The following ARMH3 variants were observed in gnomAD, a reference collection of about 807,000 sequenced individuals.
ARMH3 encodes armadillo-like helical domain-containing protein 3.
In ARMH3, 60 loss-of-function variants were observed where a neutral mutation model predicts 99.1. The observed-to-expected ratio is 0.61, with a 90% confidence interval of 0.49 to 0.75. The LOEUF (loss-of-function observed/expected upper bound fraction) is 0.75. ARMH3 is among the 30% of genes least tolerant of loss of function. ARMH3 has a pLI of 0.00. For missense variants in ARMH3, 679 were observed against 843.1 expected (o/e 0.81, Z 2.41); for synonymous variants, 285 against 292.8 (o/e 0.97, Z 0.27).
At chr10:101,882,128 T>G (rs1009532158) in intron 24 of ARMH3, among the ~76,000 whole-genome samples, 4 of 152,192 alleles carry the variant, frequency 2.6e-5, no homozygotes, top group South Asian at 2.1e-4. Context: ...AAGATACTGA[T>G]AGCTGAATGA....
intron 23 of ARMH3, among the ~76,000 whole-genome samples, chr10:101,911,644 T>G (rs949586830): frequency 2.6e-5 from 4 of 152,094 alleles, no homozygotes; most frequent in African/African-American, 9.7e-5. Flanking sequence ...GGCAGAAGGA[T>G]CCCTCGAGCC....
intron 24 of ARMH3, among the ~76,000 whole-genome samples, chr10:101,882,883 G>A (rs989681412): frequency 1.3e-5 from 2 of 152,082 alleles, no homozygotes; most frequent in African/African-American, 4.8e-5. Flanking sequence ...GAGGATCTTA[G>A]GAAAGATGAA....
chr10:101,883,734 A>G (rs2067471669), intron 24 of ARMH3, among the ~76,000 whole-genome samples: 1 of 152,158 alleles, frequency 6.6e-6, no homozygotes, highest in South Asian at 2.1e-4. Context: ...GCTCATGCCT[A>G]TAACCCCAGC....
At chr10:101,971,296 T>C (rs1039609102) in intron 20 of ARMH3, among the ~76,000 whole-genome samples, 4 of 151,882 alleles carry the variant, frequency 2.6e-5, no homozygotes, top group Non-Finnish European at 4.4e-5. Context: ...GAAAAAATAC[T>C]GGCCGGGCGC....
intron 22 of ARMH3, among the ~76,000 whole-genome samples, chr10:101,949,500 A>C (rs1369071618): frequency 6.6e-6 from 1 of 152,182 alleles, no homozygotes. Flanking sequence ...TTCTTCAAAG[A>C]CACAAGCTTC....
intron 24 of ARMH3, among the ~76,000 whole-genome samples, chr10:101,861,445 G>A (rs2066866221): frequency 6.6e-6 from 1 of 152,174 alleles, no homozygotes; most frequent in South Asian, 2.1e-4. Context: ...ATTAAAAGAA[G>A]TTCTTGACTG....
chr10:101,945,294 T>C (rs759108133), intron 22 of ARMH3, among the ~76,000 whole-genome samples: 12 of 152,124 alleles, frequency 7.9e-5, no homozygotes, highest in Non-Finnish European at 1.8e-4. Context: ...GAGAAAGAAA[T>C]TGAGAGGCCA....
At chr10:101,944,328 A>T (rs868459424) in intron 22 of ARMH3, among the ~76,000 whole-genome samples, 386 of 107,944 alleles carry the variant, frequency 3.6e-3, no homozygotes, top group Middle Eastern at 9.3e-3. Context: ...AGAGAGAGAG[A>T]GTCCAAACTG....
chr10:102,022,832 G>A (rs899691115), intron 8 of ARMH3, among the ~76,000 whole-genome samples: 17 of 150,844 alleles, frequency 1.1e-4, no homozygotes, highest in Admixed American at 2.6e-4. Context: ...CACCCACCTC[G>A]GCCTCCCAAA....
Position 101,847,523 on chromosome 10 carries a change from T to A in ARMH3, c.*5A>T, listed in dbSNP as rs1451157963. ...CAGTCAGAGGCTGCTCAGGTAGGCG[T>A]GGCCTCAGGAGATAGTGGAGAACTC... On this transcript the variant is annotated 3_prime_UTR_variant, in exon 26 of 26. Coordinates refer to ENST00000370033, the MANE Select transcript of ARMH3 (RefSeq NM_024541.3). 1 of 1,613,546 alleles carries A rather than the reference T, an allele frequency of 6.2e-7. No homozygotes were observed. The highest frequency in any genetic ancestry group is 8.5e-7 in the Non-Finnish European group (1 of 1,179,504).
chr10:101,981,976 C>T (rs953018818), intron 19 of ARMH3, among the ~76,000 whole-genome samples: 13 of 144,408 alleles, frequency 9.0e-5, no homozygotes, highest in Non-Finnish European at 1.8e-4. Flanking sequence ...GAGCCAAGAT[C>T]GCACCACTGC....
At chr10:101,861,647 T>C (rs2066871135) in intron 24 of ARMH3, among the ~76,000 whole-genome samples, 1 of 150,038 alleles carries the variant, frequency 6.7e-6, no homozygotes, top group South Asian at 2.1e-4. Context: ...GAAGAATTGC[T>C]TAAAGCCGGG....
intron 24 of ARMH3, among the ~76,000 whole-genome samples, chr10:101,859,458 G>A: frequency 6.6e-6 from 1 of 152,202 alleles, no homozygotes. Flanking sequence ...GCTCAGCCCT[G>A]ACACTGAAAT....
At chr10:102,028,051 CAA>C (rs926054840) in intron 5 of ARMH3, among the ~76,000 whole-genome samples, 3 of 136,210 alleles carry the variant, frequency 2.2e-5, no homozygotes, top group Admixed American at 7.4e-5. Context: ...GACTTTTCTC[CAA>C]AAAAAAAAAA....
intron 24 of ARMH3, among the ~76,000 whole-genome samples, chr10:101,856,564 T>C (rs1029173721): frequency 1.5e-5 from 2 of 129,902 alleles, no homozygotes; most frequent in African/African-American, 5.7e-5. Context: ...CTCCTAATCA[T>C]AAAAAAAAAA....
intron 19 of ARMH3, among the ~76,000 whole-genome samples, chr10:101,988,661 G>C (rs1472441867): frequency 6.6e-6 from 1 of 152,140 alleles, no homozygotes; most frequent in Non-Finnish European, 1.5e-5. Context: ...AGTGGCTCAC[G>C]CCTGTAATCC....
chr10:102,009,096 G>A (rs2066573636), intron 13 of ARMH3, among the ~76,000 whole-genome samples: 1 of 152,150 alleles, frequency 6.6e-6, no homozygotes, highest in African/African-American at 2.4e-5. Flanking sequence ...GATTTCTAGT[G>A]AGCAAAATGA....
chr10:102,003,901 A>G (rs1419778969), intron 14 of ARMH3, among the ~76,000 whole-genome samples: 1 of 152,238 alleles, frequency 6.6e-6, no homozygotes, highest in Non-Finnish European at 1.5e-5. Flanking sequence ...AAAGGTTTTA[A>G]TTCATGTTAT....
chr10:101,940,307 T>C (rs572643409), intron 22 of ARMH3, among the ~76,000 whole-genome samples: 2 of 152,274 alleles, frequency 1.3e-5, no homozygotes, highest in South Asian at 2.1e-4. Flanking sequence ...ATTTCCCTAA[T>C]GGTGGGGGCT....
Sources: gnomAD v4.1 joint callset for allele counts (sites outside exome capture counted in the v4.1 genomes callset) on GRCh38, gnomAD v4.1.1 for gene constraint, MANE v1.5 for transcripts, NCBI Gene and HGNC (gene_info 2026-07-23, HGNC 2026-07-21) for gene names.